Variants in HMGCLL1 observed in about 807,000 individuals in gnomAD.
The protein encoded by HMGCLL1 is 3-hydroxymethyl-3-methylglutaryl-CoA lyase, cytoplasmic.
HMGCLL1 carries 36 observed loss-of-function variants against 39.1 expected under a neutral mutation model. The ratio of observed to expected loss-of-function variants is 0.92; its 90% confidence interval spans 0.71 to 1.22. HMGCLL1 has a LOEUF of 1.22. Ranked by LOEUF, HMGCLL1 falls within the 50% of genes most tolerant of loss-of-function variation. The pLI is 0.00. For synonymous variants in HMGCLL1, 149 were observed against 144.0 expected (o/e 1.03, Z -0.25); for missense variants, 451 against 416.5 (o/e 1.08, Z -0.72).
At chr6:55,642,508 T>C in the HMGCLL1 span, among the ~76,000 whole-genome samples, 1 of 152,134 alleles carries the variant, frequency 6.6e-6, no homozygotes, top group Non-Finnish European at 1.5e-5. Flanking sequence ...ATGAGATACA[T>C]AAAATATTTG....
At chr6:55,534,821 G>A (rs1013798664) in intron 3 of HMGCLL1, among the ~76,000 whole-genome samples, 4 of 152,212 alleles carry the variant, frequency 2.6e-5, no homozygotes, top group African/African-American at 9.7e-5. Context: ...GGTAATCGAA[G>A]AACCAACACA....
intron 1 of HMGCLL1, among the ~76,000 whole-genome samples, chr6:55,558,138 A>G (rs571092580): frequency 6.6e-6 from 1 of 152,378 alleles, no homozygotes; most frequent in East Asian, 1.9e-4. Context: ...ATGCATAACC[A>G]GAAGGATAGA....
At chr6:55,477,299 A>AT (rs1765435440) in intron 7 of HMGCLL1, among the ~76,000 whole-genome samples, 2 of 13,140 alleles carry the variant, frequency 1.5e-4, no homozygotes, top group African/African-American at 1.3e-3. Flanking sequence ...ATAAAATAAT[A>AT]TATATTATAT....
chr6:55,527,085 C>T lies in HMGCLL1; in HGVS notation c.298-10482G>A, dbSNP rs1768360453. The stretch of plus-strand genomic sequence containing the variant: ...AATACCTCCTTGATAAACACATCTT[C>T]CATATCTTCTACCTTCTATATCATC... On this transcript the variant is annotated intron_variant, in intron 3 of 8. Transcript: ENST00000274901. Among the ~76,000 whole-genome samples, 12 of 152,172 alleles carry T rather than the reference C, an allele frequency of 7.9e-5. No homozygotes were observed. In the South Asian group the frequency reaches 2.5e-3, roughly 32 times the overall value.
chr6:55,637,210 A>G, the HMGCLL1 span, among the ~76,000 whole-genome samples: 1 of 152,316 alleles, frequency 6.6e-6, no homozygotes, highest in Admixed American at 6.5e-5. Flanking sequence ...TTTGAGATTC[A>G]TAAATCGGCA....
chr6:55,525,687 T>C (rs12189569), intron 3 of HMGCLL1, among the ~76,000 whole-genome samples: 87,654 of 151,666 alleles, frequency 0.58, 25,614 homozygotes, highest in Admixed American at 0.64. Context: ...GGGACGACTT[T>C]TAAAATGCTT....
At chr6:55,455,369 T>G (rs996255246) in intron 7 of HMGCLL1, among the ~76,000 whole-genome samples, 6 of 152,120 alleles carry the variant, frequency 3.9e-5, no homozygotes, top group African/African-American at 1.4e-4. Flanking sequence ...AAAATAATTT[T>G]TTTTTTCTGC....
chr6:55,644,284 A>G, the HMGCLL1 span, among the ~76,000 whole-genome samples: 4 of 151,964 alleles, frequency 2.6e-5, no homozygotes, highest in Non-Finnish European at 5.9e-5. Context: ...CCCCTTATAT[A>G]TTATGGTTAT....
At chr6:55,472,860 A>G (rs1226118974) in intron 7 of HMGCLL1, among the ~76,000 whole-genome samples, 1 of 151,528 alleles carries the variant, frequency 6.6e-6, no homozygotes, top group African/African-American at 2.4e-5. Flanking sequence ...TTAATGTTTT[A>G]AACTATAATA....
chr6:55,439,032 C>A (rs12205423), intron 8 of HMGCLL1, among the ~76,000 whole-genome samples: 1 of 151,976 alleles, frequency 6.6e-6, no homozygotes, highest in African/African-American at 2.4e-5. Context: ...CTTCCAGAAG[C>A]TACAGTTGTC....
chr6:55,607,350 C>T, the HMGCLL1 span, among the ~76,000 whole-genome samples: 654 of 152,290 alleles, frequency 4.3e-3, 6 homozygotes, highest in African/African-American at 0.014. Flanking sequence ...TAGGAGAATG[C>T]TTCCATCATT....
At chr6:55,472,479 T>A (rs1039433930) in intron 7 of HMGCLL1, among the ~76,000 whole-genome samples, 4 of 151,628 alleles carry the variant, frequency 2.6e-5, no homozygotes, top group African/African-American at 9.7e-5. Context: ...TAATATTTAT[T>A]TTATCATAGA....
the HMGCLL1 span, among the ~76,000 whole-genome samples, chr6:55,623,442 T>C: frequency 1.1e-4 from 16 of 151,946 alleles, no homozygotes; most frequent in African/African-American, 3.9e-4. Flanking sequence ...TCGTGTGGTG[T>C]ATTTCCATTT....
chr6:55,657,455 TTC>T, the HMGCLL1 span, among the ~76,000 whole-genome samples: 1 of 152,064 alleles, frequency 6.6e-6, no homozygotes, highest in East Asian at 1.9e-4. Flanking sequence ...AGGGAATCCT[TTC>T]TCCATTGCTT....
the HMGCLL1 span, among the ~76,000 whole-genome samples, chr6:55,641,459 T>C: frequency 6.6e-6 from 1 of 152,010 alleles, no homozygotes; most frequent in African/African-American, 2.4e-5. Context: ...AAAAATGTTA[T>C]ATACGTGTGT....
At position 55,485,379 on chromosome 6, in the gene HMGCLL1, A is replaced by G. The variant is rs145244995; in HGVS notation, c.795+10040T>C. 9.6e-3 allele frequency among the ~76,000 whole-genome samples: 1,465 copies of G among 152,198 alleles called. 10 individuals carry two copies. The highest frequency in any genetic ancestry group is 0.017 in the Non-Finnish European group (1,171 of 68,002). ...CCAGAATGAGCTACTTGAAGACATG[A>G]CAATGCTTTTTATCGTGGCTGTGTG... On this transcript the variant is annotated intron_variant, in intron 7 of 8. Transcript: ENST00000274901.
At chr6:55,603,362 A>AG in the HMGCLL1 span, among the ~76,000 whole-genome samples, 4 of 152,060 alleles carry the variant, frequency 2.6e-5, no homozygotes, top group South Asian at 8.3e-4. Flanking sequence ...ATTTAATTTA[A>AG]GTATTATCTC....
chr6:55,485,001 C>T (rs1765946216), intron 7 of HMGCLL1, among the ~76,000 whole-genome samples: 1 of 152,130 alleles, frequency 6.6e-6, no homozygotes, highest in Non-Finnish European at 1.5e-5. Context: ...ACTCACTTAT[C>T]TCCAGCCACA....
chr6:55,654,726 T>C, the HMGCLL1 span, among the ~76,000 whole-genome samples: 1 of 151,976 alleles, frequency 6.6e-6, no homozygotes, highest in East Asian at 1.9e-4. Flanking sequence ...AAATATTATA[T>C]TGAAACATTA....
Sources: allele counts gnomAD v4.1 joint callset (sites outside exome capture counted in the v4.1 genomes callset), GRCh38; gene constraint gnomAD v4.1.1; transcripts MANE v1.5; gene names NCBI Gene and HGNC (gene_info 2026-07-23, HGNC 2026-07-21).